Variants in TENM3 observed in about 807,000 individuals in gnomAD.
TENM3 encodes teneurin-3.
In TENM3, 63 loss-of-function variants were observed where a neutral mutation model predicts 255.1. That is an observed-to-expected ratio of 0.25 (90% CI 0.20 to 0.30). The LOEUF (loss-of-function observed/expected upper bound fraction) is 0.30. TENM3 is among the 10% of genes least tolerant of loss of function. The pLI is 1.00. For missense variants in TENM3, 2,929 were observed against 3,461.1 expected (o/e 0.85, Z 3.86); for synonymous variants, 1,306 against 1,322.3 (o/e 0.99, Z 0.27).
the TENM3 span, among the ~76,000 whole-genome samples, chr4:181,579,310 A>G: frequency 2.0e-5 from 3 of 152,066 alleles, no homozygotes; most frequent in Non-Finnish European, 4.4e-5. Context: ...CTCCCCCCAC[A>G]TCTACTCTGA....
At chr4:181,742,683 T>A in the TENM3 span, among the ~76,000 whole-genome samples, 1 of 152,024 alleles carries the variant, frequency 6.6e-6, no homozygotes, top group Non-Finnish European at 1.5e-5. Context: ...TTTATTTTTT[T>A]TTATTATTAT....
chr4:181,950,814 G>A, the TENM3 span, among the ~76,000 whole-genome samples: 3 of 152,172 alleles, frequency 2.0e-5, no homozygotes, highest in Non-Finnish European at 4.4e-5. Context: ...TCTGAGGCAG[G>A]AGGATCACTC....
the TENM3 span, among the ~76,000 whole-genome samples, chr4:181,660,292 A>G: frequency 1.3e-5 from 2 of 152,212 alleles, no homozygotes; most frequent in African/African-American, 4.8e-5. Flanking sequence ...TGTTCTGTTT[A>G]TTGTGCCCAG....
the TENM3 span, among the ~76,000 whole-genome samples, chr4:181,848,742 T>C: frequency 6.6e-6 from 1 of 152,032 alleles, no homozygotes; most frequent in Non-Finnish European, 1.5e-5. Flanking sequence ...CAAAAATAAA[T>C]TGAGGGATGT....
chr4:182,216,979 A>G (rs924696445), intron 1 of TENM3, among the ~76,000 whole-genome samples: 2 of 87,698 alleles, frequency 2.3e-5, no homozygotes, highest in African/African-American at 4.2e-5. Flanking sequence ...ATGTATAAGT[A>G]TTTTTCTAAA....
At chr4:182,062,761 A>C in the TENM3 span, among the ~76,000 whole-genome samples, 8 of 152,262 alleles carry the variant, frequency 5.3e-5, no homozygotes, top group African/African-American at 1.4e-4. Context: ...AGCTCCATCA[A>C]GAATATCCTC....
chr4:182,316,757 T>G (rs1054375987), intron 1 of TENM3, among the ~76,000 whole-genome samples: 3 of 152,176 alleles, frequency 2.0e-5, no homozygotes, highest in Admixed American at 1.3e-4. Flanking sequence ...CCTTGGCAGA[T>G]CCTCAGAATT....
At chr4:181,911,057 T>C in the TENM3 span, among the ~76,000 whole-genome samples, 1 of 152,342 alleles carries the variant, frequency 6.6e-6, no homozygotes, top group East Asian at 1.9e-4. Flanking sequence ...ATTTGTAGCT[T>C]ATTTTATTTA....
the TENM3 span, among the ~76,000 whole-genome samples, chr4:181,616,427 C>T: frequency 2.0e-5 from 3 of 146,892 alleles, no homozygotes; most frequent in East Asian, 2.0e-4. Flanking sequence ...GTAGGGTATA[C>T]TCATATATAT....
the TENM3 span, among the ~76,000 whole-genome samples, chr4:181,973,253 G>A: frequency 2.0e-5 from 3 of 152,100 alleles, no homozygotes; most frequent in African/African-American, 4.8e-5. Context: ...ATTTGCCATC[G>A]CTGGTCTAGG....
At chr4:182,677,238 A>T (rs968928713) in intron 7 of TENM3, among the ~76,000 whole-genome samples, 3 of 152,174 alleles carry the variant, frequency 2.0e-5, no homozygotes, top group Middle Eastern at 3.2e-3. Flanking sequence ...AGAACTGGGT[A>T]GATACTCAAA....
intron 3 of TENM3, among the ~76,000 whole-genome samples, chr4:182,351,953 T>G (rs1765209276): frequency 2.0e-5 from 3 of 152,216 alleles, no homozygotes; most frequent in Non-Finnish European, 4.4e-5. Flanking sequence ...CGAATAAGTG[T>G]GTGCCCTTAT....
rs865917479 is a variant in TENM3 at position 182,796,636 on chromosome 4, G to A, written c.7214-1G>A. The A allele has an allele frequency of 6.2e-7, 1 of 1,604,434 alleles. No homozygotes were observed. Among genetic ancestry groups the A allele is most frequent in the African/African-American group, 1.3e-5 (1 of 74,668 alleles). ...TTTCATTCTGAACATTCTTCTCCTAGATGTTAACAGCTGGCTGGTGACATT... is the reference window on the plus strand; with the variant it reads ...TTTCATTCTGAACATTCTTCTCCTAAATGTTAACAGCTGGCTGGTGACATT... On this transcript the variant is annotated splice_acceptor_variant, in intron 26 of 27. Coordinates refer to ENST00000511685, the MANE Select transcript of TENM3 (RefSeq NM_001080477.4). LOFTEE classifies it high-confidence loss of function.
At chr4:181,786,414 C>T in the TENM3 span, among the ~76,000 whole-genome samples, 3 of 152,042 alleles carry the variant, frequency 2.0e-5, no homozygotes, top group South Asian at 2.1e-4. Context: ...ATGGTTGATA[C>T]GTAAATACTC....
intron 3 of TENM3, among the ~76,000 whole-genome samples, chr4:182,348,994 G>T (rs978674657): frequency 6.6e-6 from 1 of 152,180 alleles, no homozygotes; most frequent in African/African-American, 2.4e-5. Flanking sequence ...GGCAAGAAAA[G>T]TTGCACTCTT....
chr4:181,560,238 A>C, the TENM3 span, among the ~76,000 whole-genome samples: 1 of 151,978 alleles, frequency 6.6e-6, no homozygotes, highest in East Asian at 1.9e-4. Context: ...GGAGTGAGGG[A>C]GCTCTGTTTT....
intron 1 of TENM3, among the ~76,000 whole-genome samples, chr4:182,196,659 C>T (rs1186578206): frequency 6.6e-6 from 1 of 152,178 alleles, no homozygotes; most frequent in African/African-American, 2.4e-5. Flanking sequence ...GACCTGTGCC[C>T]TGGTTCTGCT....
the TENM3 span, among the ~76,000 whole-genome samples, chr4:181,903,441 T>C: frequency 6.6e-6 from 1 of 152,178 alleles, no homozygotes; most frequent in Non-Finnish European, 1.5e-5. Context: ...TGACTGTTCC[T>C]GTCCCCTCCT....
Position 182,680,673 on chromosome 4 carries a change from T to C in TENM3, c.1770T>C (p.Arg590=). The part of the protein sequence containing the change: ...TQCIDPQCGG[R]GICIMGSCAC... ...GTATTGACCCACAGTGTGGGGGTCG[T>C]GGGATTTGTATCATGGGCTCTTGTG... Residue 590 remains arginine (R), a synonymous_variant, in exon 10 of 28, where the codon CGT becomes CGC. Coordinates refer to ENST00000511685, the MANE Select transcript of TENM3 (RefSeq NM_001080477.4). 1 of 1,606,444 alleles carries C rather than the reference T, an allele frequency of 6.2e-7. No homozygotes were observed. Among genetic ancestry groups the C allele is most frequent in the Non-Finnish European group, 8.5e-7 (1 of 1,177,264 alleles).
Sources: allele counts gnomAD v4.1 joint callset (sites outside exome capture counted in the v4.1 genomes callset), GRCh38; gene constraint gnomAD v4.1.1; transcripts MANE v1.5; gene names NCBI Gene and HGNC (gene_info 2026-07-23, HGNC 2026-07-21).